Variants in CSMD3 observed in about 807,000 individuals in gnomAD.
The protein encoded by CSMD3 is CUB and Sushi multiple domains 3, also known as CUB and sushi domain-containing protein 3.
In CSMD3, 177 loss-of-function variants were observed where a neutral mutation model predicts 435.2. The observed-to-expected ratio is 0.41, with a 90% CI of 0.36 to 0.46. The LOEUF (loss-of-function observed/expected upper bound fraction) is 0.46, where lower values mean the gene tolerates loss of function less well. Ranked by LOEUF, CSMD3 falls within the 20% of genes least tolerant of loss-of-function variation. The probability of loss-of-function intolerance (pLI) is 0.34; values close to 1 mark genes in which losing one functional copy is unlikely to be tolerated. For synonymous variants in CSMD3, 1,656 were observed against 1,520.5 expected (o/e 1.09, Z -2.07); for missense variants, 4,265 against 4,504.6 (o/e 0.95, Z 1.52).
At chr8:113,317,208 CTT>C (rs777971662) in intron 1 of CSMD3, among the ~76,000 whole-genome samples, 19 of 152,252 alleles carry the variant, frequency 1.2e-4, no homozygotes, top group East Asian at 1.2e-3. Flanking sequence ...TAAAAGGTCT[CTT>C]TTTAAATTGC....
At chr8:113,316,439 G>A (rs2093910365) in intron 1 of CSMD3, among the ~76,000 whole-genome samples, 1 of 152,162 alleles carries the variant, frequency 6.6e-6, no homozygotes, top group African/African-American at 2.4e-5. Flanking sequence ...CAGAGTTGTA[G>A]ATTATGGCAG....
intron 12 of CSMD3, 107 bp downstream of exon 12, chr8:112,829,579 T>C (rs901769804): frequency 1.4e-6 from 1 of 729,378 alleles, no homozygotes; most frequent in Non-Finnish European, 2.5e-6. Context: ...TTACTGTGCA[T>C]CTTCTGCTGG....
intron 5 of CSMD3, among the ~76,000 whole-genome samples, chr8:113,039,024 T>A (rs915447728): frequency 6.6e-6 from 1 of 152,166 alleles, no homozygotes; most frequent in African/African-American, 2.4e-5. Context: ...AATGTATTTT[T>A]AAAAATAAAA....
At chr8:112,685,796 G>A in intron 14 of CSMD3, 64 bp from the exon 15 acceptor site, 1 of 1,013,160 alleles carries the variant, frequency 9.9e-7, no homozygotes, top group African/African-American at 1.6e-5. Context: ...ATCTTATTTT[G>A]TCATATTCTA....
At chr8:112,805,055 T>C (rs1404078681) in intron 12 of CSMD3, among the ~76,000 whole-genome samples, 2 of 152,206 alleles carry the variant, frequency 1.3e-5, no homozygotes, top group Non-Finnish European at 2.9e-5. Context: ...GTTAGCCTTC[T>C]ACTTGCTCTT....
intron 6 of CSMD3, among the ~76,000 whole-genome samples, chr8:113,011,576 T>C (rs978337445): frequency 1.3e-5 from 2 of 151,868 alleles, no homozygotes; most frequent in African/African-American, 4.8e-5. Context: ...GTAGTCAAAC[T>C]TTCATTTTCA....
intron 37 of CSMD3, 107 bp downstream of exon 37, chr8:112,383,460 T>C: frequency 1.4e-6 from 1 of 704,292 alleles, no homozygotes; most frequent in Non-Finnish European, 2.6e-6. Context: ...GTATAGTTTG[T>C]AAAAAGCAAA....
At chr8:113,044,757 C>T (rs1002674972) in intron 5 of CSMD3, among the ~76,000 whole-genome samples, 1 of 148,998 alleles carries the variant, frequency 6.7e-6, no homozygotes. Context: ...TAACCTATTT[C>T]ATTTTCTCCA....
intron 9 of CSMD3, among the ~76,000 whole-genome samples, chr8:112,937,440 T>C (rs199552340): frequency 6.7e-6 from 1 of 150,246 alleles, no homozygotes; most frequent in East Asian, 2.0e-4. Context: ...AACCTCTGCC[T>C]CCTGGGCTCA....
intron 13 of CSMD3, among the ~76,000 whole-genome samples, chr8:112,753,771 A>T (rs2132114784): frequency 6.6e-6 from 1 of 152,328 alleles, no homozygotes; most frequent in South Asian, 2.1e-4. Context: ...TAGTAACAGC[A>T]AAGAGTTTGC....
At chr8:112,414,563 C>A (rs965414809) in intron 32 of CSMD3, among the ~76,000 whole-genome samples, 4 of 152,116 alleles carry the variant, frequency 2.6e-5, no homozygotes, top group African/African-American at 7.2e-5. Flanking sequence ...TGAGAACAGG[C>A]TAATACAGTA....
chr8:113,102,806 G>C (rs1172443432), intron 4 of CSMD3, among the ~76,000 whole-genome samples: 2 of 152,144 alleles, frequency 1.3e-5, no homozygotes, highest in African/African-American at 2.4e-5. Context: ...CTAAGGGTCA[G>C]ACCTTGCAGG....
At chr8:113,098,558 AGTTTT>A in intron 5 of CSMD3, 193 bp downstream of exon 5, 1 of 583,046 alleles carries the variant, frequency 1.7e-6, no homozygotes, top group Admixed American at 3.0e-5. Context: ...TGTTTATACA[AGTTTT>A]GAATTTCATC....
chr8:112,226,045 A>G (rs968349124), intron 70 of CSMD3, among the ~76,000 whole-genome samples: 16 of 152,152 alleles, frequency 1.1e-4, no homozygotes, highest in Non-Finnish European at 2.1e-4. Flanking sequence ...TTTATACTGA[A>G]CAATCGAATT....
At chr8:112,740,333 T>C (rs1315607411) in intron 13 of CSMD3, among the ~76,000 whole-genome samples, 1 of 151,342 alleles carries the variant, frequency 6.6e-6, no homozygotes, top group Non-Finnish European at 1.5e-5. Flanking sequence ...TAAAAAATAA[T>C]TTCTTATTCA....
intron 45 of CSMD3, among the ~76,000 whole-genome samples, chr8:112,328,095 A>G (rs1328819236): frequency 1.3e-5 from 2 of 152,180 alleles, no homozygotes; most frequent in African/African-American, 4.8e-5. Context: ...GGACAGAAAT[A>G]ACGTTGCATA....
intron 63 of CSMD3, among the ~76,000 whole-genome samples, chr8:112,247,407 A>C (rs2130163492): frequency 6.6e-6 from 1 of 152,286 alleles, no homozygotes; most frequent in African/African-American, 2.4e-5. Flanking sequence ...TGAAGAAAAT[A>C]TTTAAGACAC....
chr8:113,304,819 A>G (rs1253515521), intron 2 of CSMD3, among the ~76,000 whole-genome samples: 1 of 140,288 alleles, frequency 7.1e-6, no homozygotes, highest in East Asian at 2.3e-4. Context: ...ATGCTAGATG[A>G]CGAGTTAGTG....
At chr8:112,527,897 C>T (rs1825136108) in intron 27 of CSMD3, among the ~76,000 whole-genome samples, 1 of 152,042 alleles carries the variant, frequency 6.6e-6, no homozygotes, top group African/African-American at 2.4e-5. Context: ...ATTTATTCAA[C>T]TATTTGTGAA....
Sources: allele counts gnomAD v4.1 joint callset (sites outside exome capture counted in the v4.1 genomes callset), GRCh38; gene constraint gnomAD v4.1.1; transcripts MANE v1.5; gene names NCBI Gene and HGNC (gene_info 2026-07-23, HGNC 2026-07-21).